FRMPD2: variants seen among roughly 807,000 people sequenced by gnomAD.
The protein encoded by FRMPD2 is FERM and PDZ domain containing 2, also known as FERM and PDZ domain-containing protein 2.
FRMPD2 carries 96 observed loss-of-function variants against 140.1 expected under a neutral mutation model. The observed-to-expected ratio is 0.69, with a 90% CI of 0.58 to 0.81. FRMPD2 has a LOEUF of 0.81. Ranked by LOEUF, FRMPD2 falls within the 40% of genes least tolerant of loss-of-function variation. The pLI is 0.00. For missense variants in FRMPD2, 1,240 were observed against 1,447.4 expected, an observed-to-expected ratio of 0.86 and a Z score of 2.32; for synonymous variants, 449 against 547.6, an observed-to-expected ratio of 0.82 and a Z score of 2.52.
At chr10:48,245,650 C>G (rs189027948) in intron 3 of FRMPD2, among the ~76,000 whole-genome samples, 2 of 152,174 alleles carry the variant, frequency 1.3e-5, no homozygotes, top group Non-Finnish European at 2.9e-5. Context: ...AAGTCTTTTA[C>G]CCATATAAAC....
Position 48,242,149 on chromosome 10 carries a change from T to C in FRMPD2, c.567+12A>G, listed in dbSNP as rs1443732463. The C allele has an allele frequency of 2.5e-6, 4 of 1,595,454 alleles. No individual in the cohort carries two copies. The South Asian group carries it at 4.5e-5, about 18-fold the overall frequency. On this transcript the variant is annotated intron_variant, in intron 5 of 28. Transcript: ENST00000374201. ...AGCAGCTACTGCTTGAAAAGCACGG[T>C]TCTCTACTGACCTCAGAAATGGTAC...
intron 21 of FRMPD2, among the ~76,000 whole-genome samples, 175 bp from the exon 22 acceptor site, chr10:48,178,326 C>A (rs1838462011): frequency 6.6e-6 from 1 of 152,136 alleles, no homozygotes; most frequent in South Asian, 2.1e-4. Flanking sequence ...TGACCTCAGA[C>A]AAAGCAGGAG....
intron 16 of FRMPD2, among the ~76,000 whole-genome samples, chr10:48,188,154 C>T (rs762085129): frequency 3.9e-5 from 6 of 152,200 alleles, no homozygotes; most frequent in Non-Finnish European, 4.4e-5. Context: ...CCCAGACTGA[C>T]CCCCACCCCT....
At chr10:48,181,887 T>TACACACACACACACAC (rs56127751) in intron 20 of FRMPD2, among the ~76,000 whole-genome samples, 1,526 of 111,052 alleles carry the variant, frequency 0.014, 37 homozygotes, top group Non-Finnish European at 0.02. Flanking sequence ...ATGGCTCTCA[T>TACACACACACACACAC]ACACACACAC....
chr10:48,270,949 A>G (rs925352261), intron 1 of FRMPD2, among the ~76,000 whole-genome samples: 5 of 152,058 alleles, frequency 3.3e-5, no homozygotes, highest in Admixed American at 2.6e-4. Flanking sequence ...AATTCTACAA[A>G]ATGGTTTCCT....
chr10:48,247,124 T>C (rs1840268345), intron 3 of FRMPD2, among the ~76,000 whole-genome samples: 1 of 152,228 alleles, frequency 6.6e-6, no homozygotes, highest in Admixed American at 6.5e-5. Context: ...CTATTAGTCT[T>C]GAATCTACTG....
intron 6 of FRMPD2, 63 bp from the exon 7 acceptor site, chr10:48,239,755 G>C: frequency 1.7e-6 from 2 of 1,163,230 alleles, no homozygotes; most frequent in Non-Finnish European, 2.6e-6. Flanking sequence ...CTTAAATCAG[G>C]CATCTCAGAG....
chr10:48,250,112 C>G (rs796296632), intron 2 of FRMPD2, among the ~76,000 whole-genome samples: 2 of 152,190 alleles, frequency 1.3e-5, no homozygotes, highest in South Asian at 4.1e-4. Flanking sequence ...CTGCCCACAC[C>G]AACCTCCAGA....
At chr10:48,222,112 G>A (rs530179659) in intron 12 of FRMPD2, among the ~76,000 whole-genome samples, 61 of 146,902 alleles carry the variant, frequency 4.2e-4, no homozygotes, top group African/African-American at 1.4e-3. Flanking sequence ...GTGGATGGAT[G>A]AATCAATGAA....
intron 15 of FRMPD2, among the ~76,000 whole-genome samples, chr10:48,194,818 C>G (rs1363499999): frequency 6.6e-6 from 1 of 152,062 alleles, no homozygotes; most frequent in Non-Finnish European, 1.5e-5. Context: ...CATCGCCACG[C>G]CTCAGCTTCA....
In FRMPD2 at chr10:48,193,373, G is replaced by A. The variant is rs190877230; in HGVS notation, c.1955-479C>T. Among the ~76,000 whole-genome samples the A allele has an allele frequency of 5.7e-4, 87 of 152,312 alleles. 1 individual carries two copies. In the East Asian group the frequency reaches 0.012, roughly 21 times the overall value. On this transcript the variant is annotated intron_variant, in intron 15 of 28. Transcript: ENST00000374201. The stretch of plus-strand genomic sequence containing the variant: ...TAACCTTTAATCTCTACACAGCGTA[G>A]TTTGCCCTGGTAATCATATTTAATA...
chr10:48,260,148 T>C (rs1840557409), intron 1 of FRMPD2, among the ~76,000 whole-genome samples: 1 of 151,908 alleles, frequency 6.6e-6, no homozygotes, highest in South Asian at 2.1e-4. Context: ...TGGCTAAGAA[T>C]AGATAGATAG....
intron 5 of FRMPD2, 132 bp from the exon 6 acceptor site, chr10:48,240,624 T>C: frequency 1.6e-6 from 2 of 1,260,014 alleles, no homozygotes; most frequent in Non-Finnish European, 2.2e-6. Context: ...AAAGATGTGT[T>C]CTCTGGCACC....
rs533013052 is a variant in FRMPD2 at position 48,274,414 on chromosome 10, C to T, written c.25+129G>A. Reference sequence around the variant, plus strand: ...GAACAAATAATACTCCAAATAATACCACAAAGGGCACTGACACAGGTCCTT... The same window carrying T: ...GAACAAATAATACTCCAAATAATACTACAAAGGGCACTGACACAGGTCCTT... On this transcript the variant is annotated intron_variant, in intron 1 of 28. Coordinates refer to ENST00000374201, the MANE Select transcript of FRMPD2 (RefSeq NM_001018071.4). 4 of 774,016 alleles carry T rather than the reference C, an allele frequency of 5.2e-6. No individual in the cohort carries two copies. In the Admixed American group the frequency reaches 8.8e-5, roughly 17 times the overall value. The allele number at this position is 774,016 out of a possible 1,614,324, so 47.9% of individuals were successfully genotyped here. A position where few individuals can be genotyped will look rare whatever the true frequency, so the allele number is the denominator to read the frequency against.
Position 48,238,567 on chromosome 10 carries a change from A to T in FRMPD2, c.789-444T>A, listed in dbSNP as rs953197104. 5.3e-5 allele frequency among the ~76,000 whole-genome samples: 8 copies of T among 152,258 alleles called. No individual in the cohort carries two copies. The South Asian group carries it at 1.7e-3, about 32-fold the overall frequency. On this transcript the variant is annotated intron_variant, in intron 7 of 28. Coordinates refer to ENST00000374201, the MANE Select transcript of FRMPD2 (RefSeq NM_001018071.4). ...TTGGGAAAATAAAGTTTTAAATGGC[A>T]GGAAAAAGTATTGCAAGATAAACTC...
chr10:48,178,502 C>T (rs570825467), intron 21 of FRMPD2, among the ~76,000 whole-genome samples: 23 of 152,146 alleles, frequency 1.5e-4, no homozygotes, highest in Non-Finnish European at 2.5e-4. Context: ...AAAATTCTAA[C>T]GACACGCAGG....
At chr10:48,224,192 G>A (rs746908518) in intron 10 of FRMPD2, among the ~76,000 whole-genome samples, 1 of 152,142 alleles carries the variant, frequency 6.6e-6, no homozygotes, top group East Asian at 1.9e-4. Context: ...GCCACTGAAG[G>A]CCCCTCCCCC....
At chr10:48,185,699 G>A in intron 17 of FRMPD2, 54 bp from the exon 18 acceptor site, 6 of 1,373,350 alleles carry the variant, frequency 4.4e-6, no homozygotes, top group Middle Eastern at 1.8e-4. Flanking sequence ...TTATTTGGGA[G>A]CTAATACAAA....
chr10:48,193,906 GCCT>G (rs1838896223), intron 15 of FRMPD2, among the ~76,000 whole-genome samples: 1 of 152,106 alleles, frequency 6.6e-6, no homozygotes. Context: ...GAAAAAGCCA[GCCT>G]TTTAAAAAAA....
Sources: allele counts gnomAD v4.1 joint callset (sites outside exome capture counted in the v4.1 genomes callset), GRCh38; gene constraint gnomAD v4.1.1; transcripts MANE v1.5; gene names NCBI Gene and HGNC (gene_info 2026-07-23, HGNC 2026-07-21).